OPCML: variants seen among roughly 807,000 people sequenced by gnomAD.
OPCML encodes the protein opioid binding protein/cell adhesion molecule like, also known as opioid-binding protein/cell adhesion molecule.
OPCML carries 13 observed loss-of-function variants against 37.8 expected under a neutral mutation model. The ratio of observed to expected loss-of-function variants is 0.34; its 90% CI spans 0.22 to 0.55. OPCML has a LOEUF of 0.55. Among genes scored for constraint, OPCML ranks in the 20% least tolerant of loss-of-function variants. OPCML has a pLI of 0.91. For synonymous variants in OPCML, 176 were observed against 168.8 expected (o/e 1.04, Z -0.33); for missense variants, 341 against 435.6 (o/e 0.78, Z 1.93).
At chr11:133,132,308 G>A (rs989807477) in intron 1 of OPCML, among the ~76,000 whole-genome samples, 1 of 152,154 alleles carries the variant, frequency 6.6e-6, no homozygotes, top group Non-Finnish European at 1.5e-5. Context: ...TCAGGGAAAT[G>A]CAAATTAAGA....
intron 1 of OPCML, among the ~76,000 whole-genome samples, chr11:133,336,926 A>G (rs1181519653): frequency 6.6e-6 from 1 of 152,218 alleles, no homozygotes; most frequent in African/African-American, 2.4e-5. Context: ...ATGTGGAGAC[A>G]AATTGCTACT....
intron 2 of OPCML, among the ~76,000 whole-genome samples, chr11:132,724,342 A>G (rs1200578669): frequency 2.6e-5 from 4 of 152,166 alleles, no homozygotes; most frequent in Non-Finnish European, 5.9e-5. Context: ...AAGTTCTTCT[A>G]TGTATTAGTC....
chr11:133,196,680 G>T (rs1402577532), intron 1 of OPCML, among the ~76,000 whole-genome samples: 1 of 152,206 alleles, frequency 6.6e-6, no homozygotes, highest in Non-Finnish European at 1.5e-5. Flanking sequence ...GGCAATGTTT[G>T]TGAGGAGGGT....
At chr11:133,021,171 G>C (rs1947443209) in intron 1 of OPCML, among the ~76,000 whole-genome samples, 1 of 152,152 alleles carries the variant, frequency 6.6e-6, no homozygotes, top group Non-Finnish European at 1.5e-5. Flanking sequence ...GTGAAGCTTT[G>C]AGTCTTGTAA....
At chr11:132,530,365 C>T (rs2096321118) in intron 3 of OPCML, among the ~76,000 whole-genome samples, 1 of 152,024 alleles carries the variant, frequency 6.6e-6, no homozygotes, top group African/African-American at 2.4e-5. Context: ...TTTATCATCA[C>T]CACTGTCCTG....
intron 1 of OPCML, among the ~76,000 whole-genome samples, chr11:133,264,005 C>T (rs374061001): frequency 1.3e-5 from 2 of 152,168 alleles, no homozygotes; most frequent in African/African-American, 4.8e-5. Context: ...ATTATTTTAT[C>T]TTTTGTTCTT....
In OPCML at chr11:133,247,869, A is replaced by G. The variant is rs543344282; in HGVS notation, c.61+284395T>C. Among the ~76,000 whole-genome samples the G allele has an allele frequency of 2.2e-3, 333 of 152,314 alleles. 1 individual carries two copies. The highest frequency in any genetic ancestry group is 4.2e-3 in the Non-Finnish European group (286 of 68,028). ...AGGTGATCACCCGCTTTGGTCTCCC[A>G]AAGTGCTGGGATTATAGGCATGAGC... On this transcript the variant is annotated intron_variant, in intron 1 of 7. Transcript: ENST00000524381.
At chr11:133,255,513 C>T (rs1329731313) in intron 1 of OPCML, among the ~76,000 whole-genome samples, 1 of 151,950 alleles carries the variant, frequency 6.6e-6, no homozygotes, top group Non-Finnish European at 1.5e-5. Context: ...TGTATATAAA[C>T]AATTTATAAC....
At chr11:133,081,920 G>A (rs894128653) in intron 1 of OPCML, among the ~76,000 whole-genome samples, 1 of 151,858 alleles carries the variant, frequency 6.6e-6, no homozygotes. Context: ...TTCTCTTCCA[G>A]GCATCTGTCC....
chr11:133,470,950 C>G (rs755965247), intron 1 of OPCML, among the ~76,000 whole-genome samples: 1 of 152,172 alleles, frequency 6.6e-6, no homozygotes, highest in African/African-American at 2.4e-5. Context: ...AAATTTTGTT[C>G]CCTGAGCTGT....
At chr11:132,921,216 T>C (rs932130366) in intron 2 of OPCML, among the ~76,000 whole-genome samples, 3 of 152,252 alleles carry the variant, frequency 2.0e-5, no homozygotes, top group Non-Finnish European at 4.4e-5. Context: ...CACAGATTGC[T>C]GCAGACATCA....
chr11:132,883,796 T>C (rs2136436882), intron 2 of OPCML, among the ~76,000 whole-genome samples: 1 of 152,258 alleles, frequency 6.6e-6, no homozygotes, highest in African/African-American at 2.4e-5. Flanking sequence ...CACTAAAAAA[T>C]CACAAATCAG....
At chr11:132,794,255 T>C (rs970038000) in intron 2 of OPCML, among the ~76,000 whole-genome samples, 2 of 152,190 alleles carry the variant, frequency 1.3e-5, no homozygotes, top group South Asian at 2.1e-4. Flanking sequence ...ATGGCACTTA[T>C]CACCTTTTAT....
At chr11:132,610,642 A>G (rs1938583084) in intron 3 of OPCML, among the ~76,000 whole-genome samples, 1 of 152,110 alleles carries the variant, frequency 6.6e-6, no homozygotes, top group African/African-American at 2.4e-5. Context: ...GGTCTTTGTC[A>G]TTACTTGCAG....
rs567378007 is a variant in OPCML at position 133,096,182 on chromosome 11, C to A, written c.62-153172G>T. Among the ~76,000 whole-genome samples the A allele has an allele frequency of 2.0e-5, 3 of 150,532 alleles. No homozygotes were observed. In the South Asian group the frequency reaches 6.3e-4, roughly 32 times the overall value. On this transcript the variant is annotated intron_variant, in intron 1 of 7. Coordinates refer to ENST00000524381, the MANE Select transcript of OPCML (RefSeq NM_001012393.5). Reference sequence around the variant, plus strand: ...TATGTGTAAGTGAAATGAATGATAGCAACAATACAATGGATGGGGAATAAA... The same window carrying A: ...TATGTGTAAGTGAAATGAATGATAGAAACAATACAATGGATGGGGAATAAA...
chr11:132,778,323 G>A (rs1231637485), intron 2 of OPCML, among the ~76,000 whole-genome samples: 2 of 152,182 alleles, frequency 1.3e-5, no homozygotes, highest in Non-Finnish European at 2.9e-5. Context: ...CTAGCAAGCC[G>A]CCCTCCACCT....
rs57870934 is a variant in OPCML, at chr11:133,262,868, G to A, written c.61+269396C>T. On this transcript the variant is annotated intron_variant, in intron 1 of 7. Transcript: ENST00000524381. ...AGATTCCAGCAGCAGAAAGTGGCGT[G>A]AGGACACTCACTCTACTACCAGTGG... Among the ~76,000 whole-genome samples the A allele has an allele frequency of 6.3e-3, 957 of 151,882 alleles. 9 individuals are homozygous for A. The highest frequency in any genetic ancestry group is 0.022 in the African/African-American group (896 of 41,424).
chr11:132,642,884 G>A (rs1316819537), intron 3 of OPCML, among the ~76,000 whole-genome samples: 2 of 152,234 alleles, frequency 1.3e-5, no homozygotes, highest in African/African-American at 4.8e-5. Flanking sequence ...TCCATATATA[G>A]GAATTAAGGC....
At chr11:133,273,366 G>C (rs1041388658) in intron 1 of OPCML, among the ~76,000 whole-genome samples, 1 of 152,050 alleles carries the variant, frequency 6.6e-6, no homozygotes, top group African/African-American at 2.4e-5. Context: ...GCTGGGGGCC[G>C]GGAATCAGCT....
Sources: gnomAD v4.1 joint callset for allele counts (sites outside exome capture counted in the v4.1 genomes callset) on GRCh38, gnomAD v4.1.1 for gene constraint, MANE v1.5 for transcripts, NCBI Gene and HGNC (gene_info 2026-07-23, HGNC 2026-07-21) for gene names.